Variants in SLC15A4 observed in about 807,000 individuals in gnomAD.
SLC15A4 encodes the protein hPHT1.
SLC15A4 carries 26 observed loss-of-function variants against 46.1 expected under a neutral mutation model. The observed-to-expected ratio is 0.56, with a 90% CI of 0.41 to 0.78. The LOEUF is 0.78. SLC15A4 is among the 30% of genes least tolerant of loss of function. The probability of loss-of-function intolerance (pLI) is 0.00; values close to 1 mark genes in which losing one functional copy is unlikely to be tolerated. For missense variants in SLC15A4, 751 were observed against 755.7 expected, an observed-to-expected ratio of 0.99 and a Z score of 0.07; for synonymous variants, 370 against 333.4, an observed-to-expected ratio of 1.11 and a Z score of -1.20.
chr12:128,807,682 A>G (rs1205754972), intron 5 of SLC15A4, among the ~76,000 whole-genome samples: 1 of 152,210 alleles, frequency 6.6e-6, no homozygotes, highest in East Asian at 1.9e-4. Context: ...GCGGTGATTC[A>G]GTTCTTCTCT....
chr12:128,796,805 A>G (rs1955449741), intron 7 of SLC15A4, among the ~76,000 whole-genome samples: 1 of 152,208 alleles, frequency 6.6e-6, no homozygotes, highest in African/African-American at 2.4e-5. Flanking sequence ...TTGAAATACG[A>G]GTCTCCCCAA....
intron 5 of SLC15A4, among the ~76,000 whole-genome samples, chr12:128,808,238 TTA>T (rs1349864744): frequency 6.6e-6 from 1 of 152,228 alleles, no homozygotes; most frequent in Non-Finnish European, 1.5e-5. Flanking sequence ...TCATCAGAGT[TTA>T]GAGACTTAGG....
intron 2 of SLC15A4, chr12:128,813,904 CTATCT>C: frequency 7.2e-6 from 1 of 138,748 alleles, no homozygotes; most frequent in South Asian, 2.4e-4. Context: ...GTAAATTTTA[CTATCT>C]GTAAATTATT....
At position 128,793,667 on chromosome 12, in the gene SLC15A4, C is replaced by G. The variant is rs1182323325; in HGVS notation, c.*529G>C. On this transcript the variant is annotated 3_prime_UTR_variant, in exon 8 of 8. Transcript: ENST00000266771. ...AGAACATGGCAAGAGCAAGATTGTT[C>G]TCAGGAAGGAAACCATAAATATGGC... is the stretch of plus-strand genomic sequence containing the variant. 1 of 151,886 alleles carries G rather than the reference C, an allele frequency of 6.6e-6. No individual in the cohort carries two copies. Among genetic ancestry groups the G allele is most frequent in the Admixed American group, 6.6e-5 (1 of 15,246 alleles). 9.4% of individuals were successfully genotyped at this position (151,886 alleles called of 1,614,324 possible).
intron 1 of SLC15A4, among the ~76,000 whole-genome samples, chr12:128,818,548 G>C (rs1210832120): frequency 6.6e-6 from 1 of 152,216 alleles, no homozygotes; most frequent in African/African-American, 2.4e-5. Context: ...AGCCGCACCT[G>C]GAGGGGGACC....
intron 4 of SLC15A4, 90 bp from the exon 5 acceptor site, chr12:128,809,046 C>T (rs751318060): frequency 2.4e-5 from 30 of 1,232,532 alleles, no homozygotes; most frequent in Admixed American, 1.3e-4. Context: ...GAGAAATGCA[C>T]GTAAAGAACA....
chr12:128,814,843 G>A lies in SLC15A4; in HGVS notation c.774C>T (p.Thr258=), dbSNP rs536892230. ...ITKPPDGSAF[T]DMFKILTYSC... is the part of the protein sequence containing the mutation. ...AATACGTCAGTATCTTGAACATGTC[G>A]GTGAAGGCACTGCCATCAGGAGGCT... Residue 258 remains threonine (T), a synonymous_variant, in exon 2 of 8, where the codon ACC becomes ACT. Coordinates refer to ENST00000266771, the MANE Select transcript of SLC15A4 (RefSeq NM_145648.4). 187 of 1,614,190 alleles carry A rather than the reference G, an allele frequency of 1.2e-4. 1 individual carries two copies. Among genetic ancestry groups the A allele is most frequent in the South Asian group, 5.3e-4 (48 of 91,078 alleles).
intron 2 of SLC15A4, 165 bp from the exon 3 acceptor site, chr12:128,810,276 A>G (rs2067701552): frequency 1.6e-6 from 1 of 621,716 alleles, no homozygotes; most frequent in Non-Finnish European, 2.7e-6. Context: ...TACCTAAATT[A>G]TTTCTAAATG....
At chr12:128,815,094 A>T (rs1341638499) in intron 1 of SLC15A4, 24 bp from the exon 2 acceptor site, 5 of 1,596,130 alleles carry the variant, frequency 3.1e-6, no homozygotes, top group Non-Finnish European at 4.3e-6. Context: ...GAGGAAAGAC[A>T]CTTGAAAATA....
chr12:128,816,808 G>A (rs915517707), intron 1 of SLC15A4, among the ~76,000 whole-genome samples: 3 of 152,042 alleles, frequency 2.0e-5, no homozygotes, highest in Non-Finnish European at 4.4e-5. Context: ...CTGCCTAAGC[G>A]ACAGAGGCCC....
At chr12:128,819,865 G>A (rs868386414) in intron 1 of SLC15A4, 7 of 152,166 alleles carry the variant, frequency 4.6e-5, no homozygotes, top group African/African-American at 1.7e-4. Context: ...TCAATTACTC[G>A]CCTGTTATAT....
At chr12:128,800,273 A>G (rs917282752) in intron 6 of SLC15A4, among the ~76,000 whole-genome samples, 10 of 152,242 alleles carry the variant, frequency 6.6e-5, no homozygotes, top group African/African-American at 2.4e-4. Context: ...CAAATTCATT[A>G]GCCAATTCTG....
In SLC15A4 at chr12:128,823,783, A is replaced by G. The variant is rs781576985; in HGVS notation, c.161T>C (p.Ile54Thr). The change falls in exon 1 of 8, where the codon ATC becomes ACC. Residue 54 changes from isoleucine (I) to threonine (T), a missense_variant. By Grantham distance (89) the Ile-to-Thr change is moderately conservative (BLOSUM62 -1). Transcript: ENST00000266771. ...CAGGAATAGCACCAGGTTGGACGTG[A>G]TGCCGTAGAAAGCGGCGCGCTCCAG... ...ELLERAAFYGITSNLVLFLNG... is the reference protein window; with the variant it reads ...ELLERAAFYGTTSNLVLFLNG... The G allele has an allele frequency of 6.6e-7, 1 of 1,515,662 alleles. No homozygotes were observed. Among genetic ancestry groups the G allele is most frequent in the South Asian group, 1.2e-5 (1 of 82,312 alleles). 93.9% of individuals were successfully genotyped at this position (1,515,662 alleles called of 1,614,324 possible). A position where few individuals can be genotyped will look rare whatever the true frequency, so the allele number is the denominator to read the frequency against.
chr12:128,801,227 C>A (rs747139203), intron 5 of SLC15A4: 1 of 427,018 alleles, frequency 2.3e-6, no homozygotes, highest in Non-Finnish European at 4.2e-6. Context: ...TATTTCACTT[C>A]GGCTTTTTAC....
chr12:128,808,190 T>C (rs1466999906), intron 5 of SLC15A4, among the ~76,000 whole-genome samples: 1 of 152,216 alleles, frequency 6.6e-6, no homozygotes, highest in East Asian at 1.9e-4. Flanking sequence ...ATAAAAATTA[T>C]GAAAACAGAA....
chr12:128,822,381 T>G (rs910072621), intron 1 of SLC15A4, among the ~76,000 whole-genome samples: 2 of 152,212 alleles, frequency 1.3e-5, no homozygotes, highest in East Asian at 1.9e-4. Flanking sequence ...TAAAGGAAGC[T>G]AAGGCAACAA....
chr12:128,823,250 G>A (rs1158516900), intron 1 of SLC15A4, 148 bp downstream of exon 1: 3 of 764,656 alleles, frequency 3.9e-6, no homozygotes, highest in Non-Finnish European at 5.6e-6. Flanking sequence ...TGGCCCACCT[G>A]CTGGCGGGAT....
chr12:128,804,694 C>T (rs1955562066), intron 5 of SLC15A4, among the ~76,000 whole-genome samples: 1 of 152,212 alleles, frequency 6.6e-6, no homozygotes. Context: ...CACGCCACTG[C>T]ACTCCAGCCT....
chr12:128,816,829 GAAAA>G (rs765517681), intron 1 of SLC15A4, among the ~76,000 whole-genome samples: 1 of 149,546 alleles, frequency 6.7e-6, no homozygotes, highest in Admixed American at 6.6e-5. Context: ...TGTCTCAAAA[GAAAA>G]AAAAAGATAT....
Sources: gnomAD v4.1 joint callset for allele counts (sites outside exome capture counted in the v4.1 genomes callset) on GRCh38, gnomAD v4.1.1 for gene constraint, MANE v1.5 for transcripts, NCBI Gene and HGNC (gene_info 2026-07-23, HGNC 2026-07-21) for gene names.